Variants in CFAP47 observed in about 807,000 individuals in gnomAD.
The protein encoded by CFAP47 is cilia- and flagella-associated protein 47.
In CFAP47, 29 loss-of-function variants were observed where a neutral mutation model predicts 148.1. The observed-to-expected ratio is 0.20, with a 90% CI of 0.15 to 0.27. The LOEUF (loss-of-function observed/expected upper bound fraction) is 0.27, where lower values mean the gene tolerates loss of function less well. CFAP47 is among the 10% of genes least tolerant of loss of function. The probability of loss-of-function intolerance (pLI) is 1.00; values close to 1 mark genes in which losing one functional copy is unlikely to be tolerated. For missense variants in CFAP47, 1,872 were observed against 1,697.5 expected (o/e 1.10, Z -1.81); for synonymous variants, 664 against 577.3 (o/e 1.15, Z -2.15).
At chrX:36,056,750 C>T (rs1937557734) in intron 26 of CFAP47, among the ~76,000 whole-genome samples, 1 of 112,340 alleles carries the variant, frequency 8.9e-6, no homozygotes, top group African/African-American at 3.2e-5. Flanking sequence ...CCTACAGGAT[C>T]TTTCTCAGCT....
intron 15 of CFAP47, among the ~76,000 whole-genome samples, chrX:35,981,861 T>C (rs1026945069): frequency 6.2e-5 from 7 of 112,169 alleles, no homozygotes; most frequent in African/African-American, 2.3e-4. Context: ...GATCACATTC[T>C]TTTTTATGGC....
chrX:36,304,277 G>A (rs968068482), intron 54 of CFAP47, among the ~76,000 whole-genome samples: 2 of 109,308 alleles, frequency 1.8e-5, no homozygotes, highest in Non-Finnish European at 1.9e-5. Context: ...AGCTACTCGG[G>A]AGGCTGAGGA....
intron 45 of CFAP47, among the ~76,000 whole-genome samples, chrX:36,221,811 A>G (rs1393516790): frequency 9.0e-6 from 1 of 111,491 alleles, no homozygotes; most frequent in Non-Finnish European, 1.9e-5. Flanking sequence ...ACATATTCTC[A>G]AAATGTATAA....
chrX:36,350,263 A>G (rs1941732741), intron 59 of CFAP47, 131 bp downstream of exon 59: 4 of 396,498 alleles, frequency 1.0e-5, no homozygotes, highest in East Asian at 4.1e-5. Context: ...TGGGCATTCT[A>G]TGACATAAAC....
intron 47 of CFAP47, 55 bp from the exon 48 acceptor site, chrX:36,236,631 G>T: frequency 4.1e-6 from 2 of 489,709 alleles, no homozygotes; most frequent in Non-Finnish European, 7.3e-6. Context: ...AGCAGAGGTT[G>T]TTTAACATTT....
At chrX:36,286,825 GA>G (rs1384062751) in intron 51 of CFAP47, among the ~76,000 whole-genome samples, 1 of 111,386 alleles carries the variant, frequency 9.0e-6, no homozygotes, top group African/African-American at 3.3e-5. Flanking sequence ...CTTAAAATAG[GA>G]ATAGAGATGA....
intron 46 of CFAP47, 125 bp downstream of exon 46, chrX:36,228,949 C>A: frequency 2.3e-6 from 1 of 432,096 alleles, no homozygotes; most frequent in Non-Finnish European, 4.1e-6. Flanking sequence ...TCAATTATTT[C>A]TTCATATTTA....
chrX:36,159,684 A>G, intron 38 of CFAP47, 108 bp downstream of exon 38: 1 of 284,859 alleles, frequency 3.5e-6, no homozygotes, highest in Non-Finnish European at 6.1e-6. Flanking sequence ...TTCTTGAGTC[A>G]TCCCTGTGCC....
At chrX:35,999,551 C>T (rs1936890477) in intron 19 of CFAP47, among the ~76,000 whole-genome samples, 1 of 112,045 alleles carries the variant, frequency 8.9e-6, no homozygotes, top group South Asian at 3.7e-4. Context: ...TAAATAAATA[C>T]ATAAATAAGT....
At chrX:36,371,482 T>C (rs1261040218) in intron 62 of CFAP47, among the ~76,000 whole-genome samples, 2 of 106,887 alleles carry the variant, frequency 1.9e-5, no homozygotes, top group African/African-American at 6.8e-5. Context: ...GAAAACTAAT[T>C]GTAGGGCTGG....
At chrX:36,214,137 G>A (rs781849942) in intron 45 of CFAP47, among the ~76,000 whole-genome samples, 1 of 112,079 alleles carries the variant, frequency 8.9e-6, no homozygotes, top group East Asian at 2.8e-4. Flanking sequence ...ACAACCTGTT[G>A]CTCTGAGGCT....
intron 57 of CFAP47, among the ~76,000 whole-genome samples, chrX:36,341,805 G>T (rs1391934019): frequency 1.8e-5 from 2 of 109,856 alleles, no homozygotes; most frequent in Non-Finnish European, 1.9e-5. Flanking sequence ...TATTATCAGG[G>T]TTTCTAAAAT....
chrX:35,971,680 G>C lies in CFAP47; in HGVS notation c.2065G>C (p.Glu689Gln). 1 of 1,208,353 alleles carries C rather than the reference G, an allele frequency of 8.3e-7. No individual in the cohort carries two copies. Among genetic ancestry groups the C allele is most frequent in the Non-Finnish European group, 1.1e-6 (1 of 892,787 alleles). The change falls in exon 12 of 64, where the codon GAG (glutamate) becomes CAG (glutamine). Residue 689 changes from glutamate to glutamine, a missense_variant. Glu to Gln is a conservative substitution (Grantham distance 29). Transcript: ENST00000378653. ...ACTCTCAGAAGCGGAAATAGAAGAG[G>C]AGCTGTCTTCAGCAGCAAATTCAAT... ...PSLSEAEIEE[E>Q]LSSAANSIRA...
At chrX:36,028,746 G>GT (rs1937249562) in intron 22 of CFAP47, among the ~76,000 whole-genome samples, 1 of 111,290 alleles carries the variant, frequency 9.0e-6, no homozygotes, top group African/African-American at 3.2e-5. Flanking sequence ...AATCTCAGAG[G>GT]TTTTTAGTAG....
At chrX:36,297,389 C>G (rs782582592) in intron 51 of CFAP47, among the ~76,000 whole-genome samples, 6 of 112,159 alleles carry the variant, frequency 5.3e-5, no homozygotes, top group African/African-American at 1.9e-4. Flanking sequence ...CATAACAGCT[C>G]CATGTTCTAA....
intron 3 of CFAP47, among the ~76,000 whole-genome samples, chrX:35,945,796 A>G (rs1033740114): frequency 1.8e-4 from 20 of 110,203 alleles, no homozygotes; most frequent in African/African-American, 5.0e-4. Flanking sequence ...AGCCAGTGCC[A>G]TATCTGAGAA....
chrX:36,235,059 G>A (rs781892879), intron 46 of CFAP47, among the ~76,000 whole-genome samples: 4 of 111,604 alleles, frequency 3.6e-5, no homozygotes, highest in East Asian at 2.8e-4. Flanking sequence ...CTGCTCGGGG[G>A]TCAGGGGTCA....
chrX:36,382,410 A>G (rs1474216987), intron 63 of CFAP47, among the ~76,000 whole-genome samples: 1 of 111,645 alleles, frequency 9.0e-6, no homozygotes, highest in African/African-American at 3.3e-5. Context: ...ATCTTGAGCC[A>G]AAGAGGTACA....
chrX:36,132,521 A>G (rs1397811813), intron 33 of CFAP47, among the ~76,000 whole-genome samples: 1 of 111,877 alleles, frequency 8.9e-6, no homozygotes, highest in African/African-American at 3.2e-5. Flanking sequence ...CACTTTGGGT[A>G]GCAAATCCTT....
Sources: allele counts gnomAD v4.1 joint callset (sites outside exome capture counted in the v4.1 genomes callset), GRCh38; gene constraint gnomAD v4.1.1; transcripts MANE v1.5; gene names NCBI Gene and HGNC (gene_info 2026-07-23, HGNC 2026-07-21).